Variants in JMJD1C observed in about 807,000 individuals in gnomAD.
JMJD1C encodes the protein jumonji domain containing 1C, also known as jumonji domain-containing protein 1C.
JMJD1C carries 31 observed loss-of-function variants against 245.3 expected under a neutral mutation model. That is an observed-to-expected ratio of 0.13 (90% CI 0.09 to 0.17). JMJD1C has a LOEUF of 0.17. JMJD1C is among the 10% of genes least tolerant of loss of function. JMJD1C has a pLI of 1.00. For synonymous variants in JMJD1C, 1,057 were observed against 1,017.4 expected (o/e 1.04, Z -0.74); for missense variants, 2,691 against 3,000.2 (o/e 0.90, Z 2.41).
chr10:63,439,486 C>T (rs937545424), intron 1 of JMJD1C, among the ~76,000 whole-genome samples: 1 of 152,062 alleles, frequency 6.6e-6, no homozygotes, highest in Non-Finnish European at 1.5e-5. Context: ...CATTACTTAC[C>T]AAATATATCC....
intron 1 of JMJD1C, among the ~76,000 whole-genome samples, chr10:63,488,878 A>T (rs979244191): frequency 6.6e-6 from 1 of 152,306 alleles, no homozygotes; most frequent in East Asian, 1.9e-4. Context: ...TTCAGTTTTT[A>T]AAAATTCATT....
At chr10:63,395,156 T>C (rs563318672) in intron 1 of JMJD1C, among the ~76,000 whole-genome samples, 1 of 152,174 alleles carries the variant, frequency 6.6e-6, no homozygotes, top group East Asian at 1.9e-4. Context: ...AAGACCACAA[T>C]GAGCTACTAC....
At chr10:63,477,017 G>A (rs936011526) in intron 1 of JMJD1C, among the ~76,000 whole-genome samples, 2 of 152,094 alleles carry the variant, frequency 1.3e-5, no homozygotes, top group African/African-American at 4.8e-5. Flanking sequence ...CAATTTACAT[G>A]AAACAGAAAT....
At chr10:63,356,054 A>G (rs927350299) in intron 2 of JMJD1C, among the ~76,000 whole-genome samples, 1 of 152,240 alleles carries the variant, frequency 6.6e-6, no homozygotes, top group African/African-American at 2.4e-5. Context: ...ATAAAGACCA[A>G]TTATATTACA....
intron 1 of JMJD1C, among the ~76,000 whole-genome samples, chr10:63,486,793 G>T (rs1954014810): frequency 6.6e-6 from 1 of 151,922 alleles, no homozygotes; most frequent in African/African-American, 2.4e-5. Context: ...CCTAAAATGG[G>T]GCTCTCTGAG....
chr10:63,507,537 C>T (rs898613615), intron 1 of JMJD1C, among the ~76,000 whole-genome samples: 3 of 148,648 alleles, frequency 2.0e-5, no homozygotes, highest in African/African-American at 7.4e-5. Context: ...CCTAGCTACT[C>T]GGGAGACTGA....
At chr10:63,337,596 A>AAG in intron 2 of JMJD1C, among the ~76,000 whole-genome samples, 1 of 113,300 alleles carries the variant, frequency 8.8e-6, no homozygotes, top group African/African-American at 5.5e-5. Context: ...AAGAAAAGAA[A>AAG]AGAAAAGAAA....
intron 1 of JMJD1C, among the ~76,000 whole-genome samples, chr10:63,423,329 T>A (rs12762195): frequency 2.6e-5 from 4 of 152,116 alleles, no homozygotes; most frequent in Non-Finnish European, 4.4e-5. Context: ...CTCATTCTCA[T>A]CTCCCCCCAT....
chr10:63,185,729 AAATG>A (rs775962939), intron 19 of JMJD1C, 76 bp from the exon 20 acceptor site: 11 of 824,850 alleles, frequency 1.3e-5, no homozygotes, highest in African/African-American at 1.0e-4. Context: ...AAAGAAACGT[AAATG>A]AATGAATGAT....
intron 1 of JMJD1C, among the ~76,000 whole-genome samples, chr10:63,519,178 G>A (rs79857580): frequency 1.3e-5 from 2 of 152,180 alleles, no homozygotes; most frequent in African/African-American, 2.4e-5. Flanking sequence ...TGTGGAAGAG[G>A]CAGAAGATAT....
In JMJD1C at chr10:63,451,989, G is replaced by A. The variant is rs550905717; in HGVS notation, c.168+13506C>T. Reference sequence around the variant, plus strand: ...AAGAGCTGAAACTATAGAAGACTTAGAAGCAAATGAAGACAGGAAAGCTTC... The same window carrying A: ...AAGAGCTGAAACTATAGAAGACTTAAAAGCAAATGAAGACAGGAAAGCTTC... On this transcript the variant is annotated intron_variant, in intron 1 of 25. Coordinates refer to ENST00000399262, the MANE Select transcript of JMJD1C (RefSeq NM_032776.3). 1.4e-4 allele frequency among the ~76,000 whole-genome samples: 22 copies of A among 152,282 alleles called. No homozygotes were observed. The East Asian group carries it at 3.7e-3, about 25-fold the overall frequency.
At chr10:63,245,851 C>A (rs1470992590) in intron 3 of JMJD1C, among the ~76,000 whole-genome samples, 1 of 152,194 alleles carries the variant, frequency 6.6e-6, no homozygotes, top group Non-Finnish European at 1.5e-5. Context: ...AGACACACTC[C>A]AGTGATTCAA....
chr10:63,218,150 C>A (rs182036696), intron 4 of JMJD1C, among the ~76,000 whole-genome samples: 50 of 152,136 alleles, frequency 3.3e-4, no homozygotes, highest in Non-Finnish European at 5.7e-4. Flanking sequence ...TTATTTAATT[C>A]TCTCTCCTAA....
chr10:63,213,778 G>A lies in JMJD1C; in HGVS notation c.2389C>T (p.Pro797Ser), dbSNP rs1847644361. Residue 797 changes from proline (P) to serine (S), a missense_variant, in exon 8 of 26, where the codon CCC becomes TCC. Coordinates refer to ENST00000399262, the MANE Select transcript of JMJD1C (RefSeq NM_032776.3). ...GTAGGCACTCCAGGTAACACAGTGG[G>A]AAGTAAATGAGGGTGATGAACAGCA... The part of the protein sequence containing the change: ...HHAVHHPHLL[P>S]TVLPGVPTAS... 6.2e-7 allele frequency: 1 copy of A among 1,614,106 alleles called. No homozygotes were observed. Among genetic ancestry groups the A allele is most frequent in the Non-Finnish European group, 8.5e-7 (1 of 1,180,012 alleles).
intron 1 of JMJD1C, among the ~76,000 whole-genome samples, chr10:63,395,090 CAAGT>C (rs1162545792): frequency 4.6e-5 from 7 of 152,052 alleles, no homozygotes; most frequent in African/African-American, 1.7e-4. Flanking sequence ...ATACAGGCAG[CAAGT>C]AAGCACATCA....
At chr10:63,399,022 A>G (rs1329607451) in intron 1 of JMJD1C, among the ~76,000 whole-genome samples, 1 of 152,038 alleles carries the variant, frequency 6.6e-6, no homozygotes, top group East Asian at 1.9e-4. Flanking sequence ...AAAGAAGAAT[A>G]AATCCTTGAT....
chr10:63,340,934 A>C (rs1042495042), intron 2 of JMJD1C, among the ~76,000 whole-genome samples: 2 of 152,192 alleles, frequency 1.3e-5, no homozygotes, highest in Non-Finnish European at 2.9e-5. Flanking sequence ...GAAAAGAGCA[A>C]GACTCCATCT....
intron 3 of JMJD1C, among the ~76,000 whole-genome samples, chr10:63,246,171 A>G (rs1852174661): frequency 6.6e-6 from 1 of 152,208 alleles, no homozygotes; most frequent in African/African-American, 2.4e-5. Context: ...ATAATAACAG[A>G]AAACTTTTCA....
chr10:63,282,780 G>A (rs953832332), intron 2 of JMJD1C, among the ~76,000 whole-genome samples: 7 of 152,122 alleles, frequency 4.6e-5, no homozygotes, highest in South Asian at 2.1e-4. Flanking sequence ...GCAGTGGCGC[G>A]ATCTCGGCTC....
Sources: gnomAD v4.1 joint callset for allele counts (sites outside exome capture counted in the v4.1 genomes callset) on GRCh38, gnomAD v4.1.1 for gene constraint, MANE v1.5 for transcripts, NCBI Gene and HGNC (gene_info 2026-07-23, HGNC 2026-07-21) for gene names.